The following STK10 variants were observed in gnomAD, a reference collection of about 807,000 sequenced individuals.
STK10 encodes serine/threonine-protein kinase 10.
STK10 carries 78 observed loss-of-function variants against 113.8 expected under a neutral mutation model. The observed-to-expected ratio is 0.69, with a 90% CI of 0.57 to 0.83. The LOEUF (loss-of-function observed/expected upper bound fraction) is 0.83. STK10 is among the 40% of genes least tolerant of loss of function. The probability of loss-of-function intolerance (pLI) is 0.00; values close to 1 mark genes in which losing one functional copy is unlikely to be tolerated. For missense variants in STK10, 1,109 were observed against 1,280.1 expected (o/e 0.87, Z 2.04); for synonymous variants, 465 against 494.7 (o/e 0.94, Z 0.80).
chr5:172,111,755 T>C (rs1217408773), intron 4 of STK10, among the ~76,000 whole-genome samples: 1 of 152,242 alleles, frequency 6.6e-6, no homozygotes, highest in Admixed American at 6.5e-5. Context: ...AGATCATTTC[T>C]GCTGTGGCCA....
chr5:172,080,285 C>T (rs890604668), intron 12 of STK10, among the ~76,000 whole-genome samples: 1 of 152,174 alleles, frequency 6.6e-6, no homozygotes, highest in African/African-American at 2.4e-5. Context: ...CCTCCCTATT[C>T]TCTGAGACAC....
chr5:172,074,541 CCTTATAT>C (rs1768267865), intron 12 of STK10, among the ~76,000 whole-genome samples: 1 of 152,076 alleles, frequency 6.6e-6, no homozygotes, highest in Admixed American at 6.5e-5. Context: ...CTAACCCACA[CCTTATAT>C]CTTATATAAC....
At chr5:172,106,537 C>T in intron 6 of STK10, 83 bp downstream of exon 6, 2 of 1,414,328 alleles carry the variant, frequency 1.4e-6, no homozygotes, top group Non-Finnish European at 1.9e-6. Context: ...TACCACTGCA[C>T]CTCCCCAGCC....
rs1319886294 is a variant in STK10 at position 172,188,183 on chromosome 5, G to A, written c.-141C>T. The A allele has an allele frequency of 2.1e-6, 3 of 1,400,836 alleles. No individual in the cohort carries two copies. The highest frequency in any genetic ancestry group is 2.8e-6 in the Non-Finnish European group (3 of 1,062,536). The allele number at this position is 1,400,836 out of a possible 1,614,324, so 86.8% of individuals were successfully genotyped here. On this transcript the variant is annotated 5_prime_UTR_variant, in exon 1 of 19. Coordinates refer to ENST00000176763, the MANE Select transcript of STK10 (RefSeq NM_005990.4). The surrounding 1 kb of genome is among the most constrained non-coding windows in gnomAD (Gnocchi z 5.6). ...CCAGACCCGCCTTTCCCCGCAGCCC[G>A]ACCTCGGTCAAGTGTGCCCTGGGCA...
At chr5:172,182,103 G>A (rs1359704920) in intron 1 of STK10, among the ~76,000 whole-genome samples, 1 of 151,758 alleles carries the variant, frequency 6.6e-6, no homozygotes, top group Non-Finnish European at 1.5e-5. Flanking sequence ...AGGAGTTCGA[G>A]ACCAGCCTGG....
intron 12 of STK10, among the ~76,000 whole-genome samples, chr5:172,076,340 CT>C (rs796485507): frequency 8.9e-5 from 6 of 67,098 alleles, no homozygotes; most frequent in South Asian, 4.7e-4. Context: ...GTTGTGGGGG[CT>C]GTCCTGTGCG....
chr5:172,070,753 G>T (rs965976196), intron 12 of STK10, among the ~76,000 whole-genome samples: 1 of 151,750 alleles, frequency 6.6e-6, no homozygotes, highest in Admixed American at 6.6e-5. Flanking sequence ...GGAGAAGGAG[G>T]ATGAGAAGAT....
chr5:172,106,988 A>C (rs2113765093), intron 5 of STK10, 174 bp from the exon 6 acceptor site: 4 of 577,382 alleles, frequency 6.9e-6, no homozygotes, highest in African/African-American at 1.9e-5. Flanking sequence ...TCCACAGAAA[A>C]ACGCCTCCAC....
At chr5:172,148,120 T>G (rs943295168) in intron 2 of STK10, among the ~76,000 whole-genome samples, 2 of 152,274 alleles carry the variant, frequency 1.3e-5, no homozygotes, top group Middle Eastern at 6.8e-3. Context: ...GTCTGCCAGC[T>G]GGGTTTCCAA....
intron 2 of STK10, among the ~76,000 whole-genome samples, chr5:172,145,756 TG>T (rs1160716081): frequency 6.6e-6 from 1 of 152,128 alleles, no homozygotes; most frequent in East Asian, 1.9e-4. Context: ...GTGGGGGTGA[TG>T]GTAGAGGCTG....
intron 12 of STK10, among the ~76,000 whole-genome samples, chr5:172,081,582 C>G (rs927657818): frequency 6.6e-6 from 1 of 152,112 alleles, no homozygotes; most frequent in African/African-American, 2.4e-5. Flanking sequence ...GGCCAGGAAC[C>G]CTGGCTCCCA....
At chr5:172,154,121 G>A (rs1770298509) in intron 2 of STK10, among the ~76,000 whole-genome samples, 2 of 152,146 alleles carry the variant, frequency 1.3e-5, no homozygotes, top group Admixed American at 1.3e-4. Context: ...AAGCTTAAAC[G>A]AGCATCAGAG....
At chr5:172,136,737 G>T (rs1424876109) in intron 2 of STK10, among the ~76,000 whole-genome samples, 1 of 152,100 alleles carries the variant, frequency 6.6e-6, no homozygotes, top group East Asian at 1.9e-4. Context: ...CAAAAATCAT[G>T]GAGGAGATGT....
At chr5:172,054,736 T>C (rs1212596338) in intron 16 of STK10, 42 bp from the exon 17 acceptor site, 1 of 1,602,614 alleles carries the variant, frequency 6.2e-7, no homozygotes, top group East Asian at 2.2e-5. Context: ...GACCAGGGCC[T>C]GGCTGGTTGG....
intron 3 of STK10, among the ~76,000 whole-genome samples, chr5:172,125,876 T>C (rs913461764): frequency 2.0e-5 from 3 of 152,202 alleles, no homozygotes; most frequent in Non-Finnish European, 2.9e-5. Context: ...ATTTTAGCAT[T>C]ATATTTTTGG....
At chr5:172,088,557 T>G (rs1768621488) in intron 10 of STK10, among the ~76,000 whole-genome samples, 1 of 152,118 alleles carries the variant, frequency 6.6e-6, no homozygotes, top group Non-Finnish European at 1.5e-5. Context: ...TTAAAAAAAT[T>G]TTAATTCACA....
intron 3 of STK10, among the ~76,000 whole-genome samples, chr5:172,119,124 G>T (rs1239864236): frequency 6.6e-6 from 1 of 152,116 alleles, no homozygotes; most frequent in Non-Finnish European, 1.5e-5. Context: ...AGATCACTCA[G>T]TGTCCACCGA....
chr5:172,043,469 C>G lies in STK10; in HGVS notation c.*1413G>C, dbSNP rs1767428057. Reference sequence around the variant, plus strand: ...GACTCAATATGCCCGCATGATTACTCCAAATCATTACCAGTTTTGTGTTGT... The same window carrying G: ...GACTCAATATGCCCGCATGATTACTGCAAATCATTACCAGTTTTGTGTTGT... On this transcript the variant is annotated 3_prime_UTR_variant, in exon 19 of 19. Coordinates refer to ENST00000176763, the MANE Select transcript of STK10 (RefSeq NM_005990.4). The G allele has an allele frequency of 3.3e-5, 5 of 152,182 alleles. No homozygotes were observed. Among genetic ancestry groups the G allele is most frequent in the Admixed American group, 2.6e-4 (4 of 15,272 alleles). The allele number at this position is 152,182 out of a possible 1,614,324, so 9.4% of individuals were successfully genotyped here.
At chr5:172,163,229 T>A (rs533737681) in intron 1 of STK10, among the ~76,000 whole-genome samples, 23 of 152,088 alleles carry the variant, frequency 1.5e-4, no homozygotes, top group Non-Finnish European at 2.8e-4. Flanking sequence ...AAGACAAATA[T>A]TATTGCCAGT....
Sources: gnomAD v4.1 joint callset for allele counts (sites outside exome capture counted in the v4.1 genomes callset) on GRCh38, gnomAD v4.1.1 for gene constraint, Gnocchi (gnomAD v3.1) non-coding constraint, MANE v1.5 for transcripts, NCBI Gene and HGNC (gene_info 2026-07-23, HGNC 2026-07-21) for gene names.